Variants in BRAT1 observed in about 807,000 individuals in gnomAD.
BRAT1 encodes BRCA1 associated ATM activator 1.
In BRAT1, 74 loss-of-function variants were observed where a neutral mutation model predicts 70.6. That is an observed-to-expected ratio of 1.05 (90% CI 0.87 to 1.27). The LOEUF (loss-of-function observed/expected upper bound fraction) is 1.27. Among genes scored for constraint, BRAT1 ranks in the 50% most tolerant of loss-of-function variants. BRAT1 has a pLI of 0.00. For synonymous variants in BRAT1, 615 were observed against 517.1 expected (o/e 1.19, Z -2.57); for missense variants, 1,203 against 1,098.2 (o/e 1.10, Z -1.35).
intron 10 of BRAT1, 158 bp downstream of exon 10, chr7:2,540,821 T>C: frequency 1.3e-6 from 1 of 758,450 alleles, no homozygotes; most frequent in Middle Eastern, 2.7e-4. Flanking sequence ...GCCCGCCCCA[T>C]GCAGCCACCT....
At chr7:2,544,550 G>T (rs963863325) in intron 4 of BRAT1, among the ~76,000 whole-genome samples, 2 of 152,108 alleles carry the variant, frequency 1.3e-5, no homozygotes, top group East Asian at 1.9e-4. Flanking sequence ...GCCTAAGTTG[G>T]AGTGCAGTGG....
In BRAT1 at chr7:2,539,174, C is replaced by A. The variant is rs781603468; in HGVS notation, c.1770+5G>T. 1 of 1,591,256 alleles carries A rather than the reference C, an allele frequency of 6.3e-7. No individual in the cohort carries two copies. Among genetic ancestry groups the A allele is most frequent in the South Asian group, 1.1e-5 (1 of 90,254 alleles). On this transcript the variant is annotated splice_donor_5th_base_variant and intron_variant, in intron 13 of 13. Transcript: ENST00000340611. ...TTGCTGGCTGAGGAACCTGCCACCT[C>A]CTACCTGCCGGGCCTCTGCATGCTC... is the stretch of plus-strand genomic sequence containing the variant.
intron 2 of BRAT1, among the ~76,000 whole-genome samples, chr7:2,553,787 G>GTGC (rs1780210538): frequency 6.6e-6 from 1 of 151,390 alleles, no homozygotes; most frequent in Non-Finnish European, 1.5e-5. Flanking sequence ...GGGACTACAG[G>GTGC]TGCGCCACCA....
rs866945078 is a variant in BRAT1, at chr7:2,543,120, T to C, written c.923+84A>G. The C allele has an allele frequency of 9.6e-6, 14 of 1,455,000 alleles. No individual in the cohort carries two copies. Among genetic ancestry groups the C allele is most frequent in the Middle Eastern group, 1.8e-4 (1 of 5,408 alleles). 90.1% of individuals were successfully genotyped at this position (1,455,000 alleles called of 1,614,324 possible). Reference sequence around the variant, plus strand: ...CTGTCCCTGGTGTCCGGAACTCCCCTGCCATGAGGGCTGCGCTCTCAACCT... The same window carrying C: ...CTGTCCCTGGTGTCCGGAACTCCCCCGCCATGAGGGCTGCGCTCTCAACCT... On this transcript the variant is annotated intron_variant, in intron 6 of 13. Coordinates refer to ENST00000340611, the MANE Select transcript of BRAT1 (RefSeq NM_152743.4). This position sits in a 1 kb window ranked among gnomAD's most constrained non-coding sequence, Gnocchi z 5.5.
chr7:2,546,951 C>G (rs1779653628), intron 3 of BRAT1, among the ~76,000 whole-genome samples: 1 of 152,096 alleles, frequency 6.6e-6, no homozygotes. Flanking sequence ...GGCCACGGGG[C>G]AGCTACGACT....
At chr7:2,545,439 A>C (rs1404169416) in intron 3 of BRAT1, among the ~76,000 whole-genome samples, 1 of 143,614 alleles carries the variant, frequency 7.0e-6, no homozygotes, top group Non-Finnish European at 1.5e-5. Context: ...CAAAGCAGAG[A>C]TGGGTTTTCA....
chr7:2,548,453 T>G (rs1779771063), intron 2 of BRAT1, among the ~76,000 whole-genome samples: 1 of 151,732 alleles, frequency 6.6e-6, no homozygotes, highest in Non-Finnish European at 1.5e-5. Context: ...GTCCCAGCAC[T>G]TTGGGAGGCC....
At position 2,538,740 on chromosome 7, in the gene BRAT1, T is replaced by C. The variant is rs749821730; in HGVS notation, c.1795A>G (p.Ile599Val). The C allele has an allele frequency of 1.7e-5, 27 of 1,598,228 alleles. No homozygotes were observed. The Admixed American group carries it at 3.3e-4, about 20-fold the overall frequency. ...RQSLFLELLH[I>V]LSVDSEGFPR... ...AAGCCCTCCGAGTCTACGGAGAGGA[T>C]GTGCAGGAGCTCCAGGAACAGGCTC... The change falls in exon 14 of 14, where the codon ATC becomes GTC. Residue 599 changes from isoleucine (I) to valine (V), a missense_variant. Ile to Val is a conservative substitution (Grantham distance 29). Transcript: ENST00000340611.
chr7:2,544,523 C>T (rs955268297), intron 4 of BRAT1, among the ~76,000 whole-genome samples: 7 of 152,042 alleles, frequency 4.6e-5, no homozygotes, highest in South Asian at 2.1e-4. Context: ...TTTTTTGAGA[C>T]GGGGTCTTGC....
chr7:2,548,507 T>TA (rs1284799253), intron 2 of BRAT1, among the ~76,000 whole-genome samples: 3 of 149,770 alleles, frequency 2.0e-5, no homozygotes, highest in Non-Finnish European at 3.0e-5. Context: ...CTACAAAAAA[T>TA]AAAAAAAAAT....
chr7:2,550,835 G>C (rs1779952909), intron 2 of BRAT1, among the ~76,000 whole-genome samples: 1 of 152,096 alleles, frequency 6.6e-6, no homozygotes, highest in Non-Finnish European at 1.5e-5. Flanking sequence ...CTGTTGAATT[G>C]GTACCATTTA....
Position 2,538,096 on chromosome 7 carries a change from C to A in BRAT1, c.2439G>T (p.Leu813=). ...AGTAGCAGTCGGCCTCGTCCCCCTG[C>A]AGGAAGCCTCCCGTGGCCAGCATGT... ...LQDMLATGGF[L]QGDEADCY is the part of the protein sequence containing the mutation. Residue 813 remains leucine, a synonymous_variant, in exon 14 of 14, where the codon CTG becomes CTT. Transcript: ENST00000340611. 6.3e-7 allele frequency: 1 copy of A among 1,582,668 alleles called. No homozygotes were observed. Among genetic ancestry groups the A allele is most frequent in the Non-Finnish European group, 8.6e-7 (1 of 1,159,018 alleles).
At position 2,539,194 on chromosome 7, in the gene BRAT1, A is replaced by G; in HGVS notation, c.1755T>C (p.His585=). ...CACCTCCTACCTGCCGGGCCTCTGC[A>G]TGCTCAGGGCTGGTGGGGGCGTGCA... The part of the protein sequence containing the change: ...QGLHAPTSPE[H]AEARQSLFLE... Residue 585 remains histidine (H), a synonymous_variant, in exon 13 of 14, where the codon CAT becomes CAC. Coordinates refer to ENST00000340611, the MANE Select transcript of BRAT1 (RefSeq NM_152743.4). 6.2e-7 allele frequency: 1 copy of G among 1,603,560 alleles called. No homozygotes were observed. The highest frequency in any genetic ancestry group is 8.5e-7 in the Non-Finnish European group (1 of 1,174,630).
At chr7:2,548,995 T>C (rs6976415) in intron 2 of BRAT1, among the ~76,000 whole-genome samples, 68,066 of 151,636 alleles carry the variant, frequency 0.45, 16,847 homozygotes, top group African/African-American at 0.67. Flanking sequence ...CAAAAAACAA[T>C]GCCACTGAGT....
At chr7:2,540,024 G>A (rs1481737350) in intron 10 of BRAT1, 136 bp from the exon 11 acceptor site, 9 of 620,652 alleles carry the variant, frequency 1.5e-5, no homozygotes, top group Middle Eastern at 4.4e-4. Flanking sequence ...AGAAGGGAAC[G>A]CTGGGCTTCC....
intron 2 of BRAT1, among the ~76,000 whole-genome samples, chr7:2,548,632 C>T (rs1020442336): frequency 6.6e-6 from 1 of 151,106 alleles, no homozygotes; most frequent in Non-Finnish European, 1.5e-5. Flanking sequence ...CACCACTGTA[C>T]TCCAGCCTGG....
intron 3 of BRAT1, among the ~76,000 whole-genome samples, chr7:2,545,402 A>G (rs1209264370): frequency 7.5e-6 from 1 of 134,130 alleles, no homozygotes; most frequent in Non-Finnish European, 1.6e-5. Context: ...AGGTGAGGGG[A>G]CCTGGTAGGT....
intron 2 of BRAT1, among the ~76,000 whole-genome samples, chr7:2,552,899 G>A (rs1780145368): frequency 7.8e-6 from 1 of 128,214 alleles, no homozygotes; most frequent in Admixed American, 7.6e-5. Context: ...CACCACGTCT[G>A]GCTATTTTTT....
chr7:2,550,374 G>A (rs561597430), intron 2 of BRAT1, among the ~76,000 whole-genome samples: 51 of 144,812 alleles, frequency 3.5e-4, no homozygotes, highest in African/African-American at 1.3e-3. Context: ...AGGCTGAGGT[G>A]AGAGAATCAT....
Sources: allele counts gnomAD v4.1 joint callset (sites outside exome capture counted in the v4.1 genomes callset), GRCh38; gene constraint gnomAD v4.1.1; non-coding constraint Gnocchi (gnomAD v3.1); transcripts MANE v1.5; gene names NCBI Gene and HGNC (gene_info 2026-07-23, HGNC 2026-07-21).